Variants in SLC24A3 observed in about 807,000 individuals in gnomAD.
SLC24A3 encodes the protein sodium/potassium/calcium exchanger 3.
In SLC24A3, 28 loss-of-function variants were observed where a neutral mutation model predicts 75.8. The observed-to-expected ratio is 0.37, with a 90% CI of 0.27 to 0.51. The LOEUF is 0.51. SLC24A3 is among the 20% of genes least tolerant of loss of function. The pLI, the probability that SLC24A3 is intolerant of heterozygous loss-of-function variation, is 0.94. For missense variants in SLC24A3, 663 were observed against 847.8 expected (o/e 0.78, Z 2.71); for synonymous variants, 372 against 334.1 (o/e 1.11, Z -1.24).
chr20:19,674,425 C>T (rs1212457123), intron 9 of SLC24A3, among the ~76,000 whole-genome samples: 1 of 152,196 alleles, frequency 6.6e-6, no homozygotes, highest in Non-Finnish European at 1.5e-5. Flanking sequence ...TGTGGGAGAA[C>T]CTGCCTTCAA....
At chr20:19,648,594 ATATAC>A (rs1380722768) in intron 6 of SLC24A3, among the ~76,000 whole-genome samples, 2 of 151,962 alleles carry the variant, frequency 1.3e-5, no homozygotes, top group Non-Finnish European at 2.9e-5. Context: ...CTATCTTCAT[ATATAC>A]TATATGTATA....
At chr20:19,284,759 G>T (rs1483569102) in intron 2 of SLC24A3, among the ~76,000 whole-genome samples, 1 of 152,198 alleles carries the variant, frequency 6.6e-6, no homozygotes, top group African/African-American at 2.4e-5. Context: ...TAGATTCAGA[G>T]ACTGGAGACA....
chr20:19,638,208 G>C (rs1226805253), intron 6 of SLC24A3, among the ~76,000 whole-genome samples: 1 of 151,750 alleles, frequency 6.6e-6, no homozygotes, highest in African/African-American at 2.4e-5. Flanking sequence ...AGCTGAGGAT[G>C]ATGGCTCATT....
chr20:19,570,636 C>T (rs1237727865), intron 3 of SLC24A3, among the ~76,000 whole-genome samples: 3 of 152,082 alleles, frequency 2.0e-5, no homozygotes, highest in Admixed American at 6.6e-5. Flanking sequence ...GAAGGTCTAG[C>T]GTTAGGTCTC....
chr20:19,227,790 G>A (rs1981909888), intron 1 of SLC24A3, among the ~76,000 whole-genome samples: 1 of 151,974 alleles, frequency 6.6e-6, no homozygotes, highest in African/African-American at 2.4e-5. Context: ...TTATCTGGTA[G>A]GTCAAGACAC....
intron 2 of SLC24A3, among the ~76,000 whole-genome samples, chr20:19,447,304 C>T (rs1441014167): frequency 1.3e-5 from 2 of 152,114 alleles, no homozygotes; most frequent in Non-Finnish European, 2.9e-5. Flanking sequence ...GGAGCAGGCT[C>T]AGTGGTGAGG....
At chr20:19,319,098 C>T (rs1984648283) in intron 2 of SLC24A3, among the ~76,000 whole-genome samples, 1 of 152,108 alleles carries the variant, frequency 6.6e-6, no homozygotes, top group Non-Finnish European at 1.5e-5. Context: ...TGTTCTTTGC[C>T]TCTTCCTGCT....
chr20:19,704,599 G>T (rs1423228543), intron 15 of SLC24A3, among the ~76,000 whole-genome samples: 1 of 152,182 alleles, frequency 6.6e-6, no homozygotes, highest in Non-Finnish European at 1.5e-5. Context: ...CAGATGATGA[G>T]TTGAAGTGAT....
chr20:19,220,390 C>A (rs1981672541), intron 1 of SLC24A3, among the ~76,000 whole-genome samples: 2 of 152,160 alleles, frequency 1.3e-5, no homozygotes, highest in African/African-American at 4.8e-5. Context: ...CAGCAAAAGT[C>A]ATTTTCACTT....
intron 2 of SLC24A3, among the ~76,000 whole-genome samples, chr20:19,472,396 G>T (rs1987889802): frequency 6.6e-6 from 1 of 152,178 alleles, no homozygotes; most frequent in Admixed American, 6.5e-5. Context: ...GAGAAACTGG[G>T]CTTGCCCTGG....
intron 2 of SLC24A3, among the ~76,000 whole-genome samples, chr20:19,475,207 C>T (rs6081609): frequency 0.33 from 50,315 of 151,780 alleles, 8,619 homozygotes; most frequent in African/African-American, 0.41. Flanking sequence ...GGCGTGGTGG[C>T]GGTTGCCTGT....
Position 19,275,413 on chromosome 20 carries a change from G to A in SLC24A3, c.143-5546G>A, listed in dbSNP as rs569890227. 3.9e-5 allele frequency among the ~76,000 whole-genome samples: 6 copies of A among 152,338 alleles called. No homozygotes were observed. The East Asian group carries it at 7.7e-4, about 20-fold the overall frequency. ...AAACTTCCTCATCTGCTGCCACCGCGGTGTCTGAAGGAGTTAAACCTCTTA... is the reference window on the plus strand; with the variant it reads ...AAACTTCCTCATCTGCTGCCACCGCAGTGTCTGAAGGAGTTAAACCTCTTA... On this transcript the variant is annotated intron_variant, in intron 1 of 16. Transcript: ENST00000328041.
intron 1 of SLC24A3, among the ~76,000 whole-genome samples, chr20:19,272,116 T>C (rs1983346903): frequency 6.6e-6 from 1 of 152,274 alleles, no homozygotes; most frequent in African/African-American, 2.4e-5. Context: ...CTGCTTTCTC[T>C]GTGCTGCCCG....
At chr20:19,491,833 A>T (rs1207450353) in intron 2 of SLC24A3, among the ~76,000 whole-genome samples, 2 of 152,190 alleles carry the variant, frequency 1.3e-5, no homozygotes, top group Non-Finnish European at 2.9e-5. Context: ...ACAGGTACTC[A>T]GTGTGAATTC....
At chr20:19,377,399 TGA>T (rs1489770661) in intron 2 of SLC24A3, among the ~76,000 whole-genome samples, 1 of 152,128 alleles carries the variant, frequency 6.6e-6, no homozygotes, top group Non-Finnish European at 1.5e-5. Context: ...AATAGCAGCA[TGA>T]CTGTGTTACA....
rs536765776 is a variant in SLC24A3, at chr20:19,559,069, C to G, written c.349-20931C>G. Among the ~76,000 whole-genome samples, 33 of 152,294 alleles carry G rather than the reference C, an allele frequency of 2.2e-4. No homozygotes were observed. The South Asian group carries it at 6.6e-3, about 31-fold the overall frequency. On this transcript the variant is annotated intron_variant, in intron 3 of 16. Coordinates refer to ENST00000328041, the MANE Select transcript of SLC24A3 (RefSeq NM_020689.4). ...CAAACTGTTTTACAACATGGCTTTACCTTTCACACTCCCACCAGCAATATC... is the reference window on the plus strand; with the variant it reads ...CAAACTGTTTTACAACATGGCTTTAGCTTTCACACTCCCACCAGCAATATC...
chr20:19,359,807 A>G (rs1416160259), intron 2 of SLC24A3, among the ~76,000 whole-genome samples: 1 of 152,118 alleles, frequency 6.6e-6, no homozygotes, highest in East Asian at 1.9e-4. Flanking sequence ...TTTGGGAGGT[A>G]ATCCCAGGAA....
At chr20:19,344,612 G>A (rs1363986090) in intron 2 of SLC24A3, among the ~76,000 whole-genome samples, 1 of 152,168 alleles carries the variant, frequency 6.6e-6, no homozygotes, top group Non-Finnish European at 1.5e-5. Flanking sequence ...GAGGCGGGGA[G>A]GACTGGGACA....
intron 2 of SLC24A3, among the ~76,000 whole-genome samples, chr20:19,481,769 A>C (rs935942007): frequency 2.0e-5 from 3 of 152,072 alleles, no homozygotes; most frequent in Non-Finnish European, 4.4e-5. Context: ...TCCCCGAGTG[A>C]TCTTCCTACA....
Sources: allele counts gnomAD v4.1 joint callset (sites outside exome capture counted in the v4.1 genomes callset), GRCh38; gene constraint gnomAD v4.1.1; transcripts MANE v1.5; gene names NCBI Gene and HGNC (gene_info 2026-07-23, HGNC 2026-07-21).